ZNRF3: variants seen among roughly 807,000 people sequenced by gnomAD.
ZNRF3 encodes E3 ubiquitin-protein ligase ZNRF3.
A neutral mutation model predicts 72.5 loss-of-function variants in ZNRF3; 23 were observed. That is an observed-to-expected ratio of 0.32 (90% confidence interval 0.23 to 0.45). ZNRF3 has a LOEUF of 0.45. Ranked by LOEUF, ZNRF3 falls within the 20% of genes least tolerant of loss-of-function variation. ZNRF3 has a pLI of 1.00. For missense variants in ZNRF3, 1,169 were observed against 1,272.1 expected (o/e 0.92, Z 1.23); for synonymous variants, 610 against 545.3 (o/e 1.12, Z -1.65).
rs570153501 is a variant in ZNRF3, at chr22:28,899,840, C to T, written c.300+15774C>T. 3.9e-5 allele frequency among the ~76,000 whole-genome samples: 6 copies of T among 152,128 alleles called. 1 individual carries two copies. Among genetic ancestry groups the T allele is most frequent in the Non-Finnish European group, 8.8e-5 (6 of 67,984 alleles). On this transcript the variant is annotated intron_variant, in intron 1 of 8. Transcript: ENST00000544604. ...AAGTAGCTGGGACCACAGGCGTGCA[C>T]CACCATGCCCAGCTAATTTTGTTTA... is the stretch of plus-strand genomic sequence containing the variant.
chr22:28,883,591 C>T lies in ZNRF3; in HGVS notation c.-176C>T. On this transcript the variant is annotated 5_prime_UTR_variant, in exon 1 of 9. Transcript: ENST00000544604. This position sits in a 1 kb window ranked among gnomAD's most constrained non-coding sequence, Gnocchi z 5.5. ...GGCGGGGATAACCCCTCACGTGGAG[C>T]AGATGAAAGGGCCGCGGCGCGACGG... The T allele has an allele frequency of 5.6e-6, 3 of 533,830 alleles. No individual in the cohort carries two copies. Among genetic ancestry groups the T allele is most frequent in the Non-Finnish European group, 7.2e-6 (3 of 417,450 alleles). 33.1% of individuals were successfully genotyped at this position (533,830 alleles called of 1,614,324 possible).
At chr22:29,021,257 T>A (rs1488891913) in intron 2 of ZNRF3, among the ~76,000 whole-genome samples, 5 of 151,728 alleles carry the variant, frequency 3.3e-5, no homozygotes, top group African/African-American at 9.7e-5. Flanking sequence ...AATAAATAAA[T>A]AAAAATAAAA....
chr22:28,960,228 G>A (rs2035332298), intron 1 of ZNRF3, among the ~76,000 whole-genome samples: 1 of 152,138 alleles, frequency 6.6e-6, no homozygotes, highest in Admixed American at 6.5e-5. Context: ...ATGTGTGGCT[G>A]GACTGTGCAT....
chr22:28,966,464 A>G (rs2035460927), intron 1 of ZNRF3, among the ~76,000 whole-genome samples: 1 of 152,214 alleles, frequency 6.6e-6, no homozygotes, highest in South Asian at 2.1e-4. Context: ...GGTATTCGAG[A>G]ATAAAGCATT....
At chr22:28,921,014 C>T (rs540063807) in intron 1 of ZNRF3, among the ~76,000 whole-genome samples, 1 of 152,374 alleles carries the variant, frequency 6.6e-6, no homozygotes, top group East Asian at 1.9e-4. Flanking sequence ...TTCTCCTTTT[C>T]ACCTGAATTT....
At chr22:29,019,694 T>C (rs1263772743) in intron 2 of ZNRF3, among the ~76,000 whole-genome samples, 2 of 152,180 alleles carry the variant, frequency 1.3e-5, no homozygotes, top group Non-Finnish European at 2.9e-5. Context: ...GCACCTACCA[T>C]GTACCCAAAC....
At chr22:29,046,025 A>G (rs1197945772) in intron 5 of ZNRF3, among the ~76,000 whole-genome samples, 3 of 152,356 alleles carry the variant, frequency 2.0e-5, no homozygotes, top group Admixed American at 6.5e-5. Context: ...GCTCCGCTCC[A>G]GGCCACCTAC....
chr22:29,018,041 G>A (rs752276547), intron 2 of ZNRF3: 28 of 518,982 alleles, frequency 5.4e-5, no homozygotes, highest in Admixed American at 2.5e-4. Flanking sequence ...AACTGTGTGG[G>A]TGGAGCATCT....
intron 1 of ZNRF3, among the ~76,000 whole-genome samples, chr22:28,966,120 A>C (rs1321960516): frequency 6.6e-6 from 1 of 152,218 alleles, no homozygotes; most frequent in Non-Finnish European, 1.5e-5. Context: ...CTACTTTCAG[A>C]TAGTTTTCCT....
chr22:28,959,041 C>T (rs1230380591), intron 1 of ZNRF3, among the ~76,000 whole-genome samples: 1 of 152,226 alleles, frequency 6.6e-6, no homozygotes, highest in Non-Finnish European at 1.5e-5. Flanking sequence ...TACTCTCATC[C>T]TTCTCAAGGA....
At chr22:28,944,033 A>G (rs927132663) in intron 1 of ZNRF3, among the ~76,000 whole-genome samples, 33 of 152,292 alleles carry the variant, frequency 2.2e-4, no homozygotes, top group African/African-American at 7.2e-4. Context: ...AAAGGAAAAA[A>G]AAAAAAGCCA....
chr22:29,003,749 A>C (rs116541897), intron 2 of ZNRF3, among the ~76,000 whole-genome samples: 6,677 of 151,794 alleles, frequency 0.044, 279 homozygotes, highest in African/African-American at 0.11. Flanking sequence ...CTGGAGCGGG[A>C]GGCTTGAGCC....
At chr22:28,902,461 C>T (rs886533005) in intron 1 of ZNRF3, among the ~76,000 whole-genome samples, 3 of 151,988 alleles carry the variant, frequency 2.0e-5, no homozygotes, top group Admixed American at 6.6e-5. Context: ...TGGTTCGCTA[C>T]GAACTCCCTG....
At chr22:29,002,822 A>G (rs1158727771) in intron 2 of ZNRF3, among the ~76,000 whole-genome samples, 4 of 152,212 alleles carry the variant, frequency 2.6e-5, no homozygotes, top group East Asian at 1.9e-4. Context: ...CTTGGCAAGC[A>G]TGTACTTCCG....
intron 1 of ZNRF3, among the ~76,000 whole-genome samples, chr22:28,959,195 C>T (rs1423875581): frequency 6.6e-6 from 1 of 152,220 alleles, no homozygotes; most frequent in East Asian, 1.9e-4. Flanking sequence ...GCATGAGCAT[C>T]TGACCCAGCA....
At position 28,951,890 on chromosome 22, in the gene ZNRF3, C is replaced by T. The variant is rs138372886; in HGVS notation, c.301-35186C>T. Among the ~76,000 whole-genome samples the T allele has an allele frequency of 5.1e-4, 78 of 152,308 alleles. 1 individual carries two copies. The East Asian group carries it at 0.012, about 23-fold the overall frequency. ...GATGGTTTAGGGACTCAGAGATAGG[C>T]GACTCCATGTACCTGCTCCCATCCC... On this transcript the variant is annotated intron_variant, in intron 1 of 8. Coordinates refer to ENST00000544604, the MANE Select transcript of ZNRF3 (RefSeq NM_001206998.2).
At chr22:28,906,446 T>G (rs2034209837) in intron 1 of ZNRF3, among the ~76,000 whole-genome samples, 1 of 152,236 alleles carries the variant, frequency 6.6e-6, no homozygotes, top group African/African-American at 2.4e-5. Context: ...TGAGACCAGA[T>G]AGGCCTGTGT....
intron 1 of ZNRF3, among the ~76,000 whole-genome samples, chr22:28,909,932 G>T (rs1277760441): frequency 6.6e-6 from 1 of 151,538 alleles, no homozygotes; most frequent in Admixed American, 6.6e-5. Flanking sequence ...AGAGACAGGG[G>T]TCTTACTATG....
At position 29,014,960 on chromosome 22, in the gene ZNRF3, C is replaced by T. The variant is rs560781876; in HGVS notation, c.427-27535C>T. Among the ~76,000 whole-genome samples the T allele has an allele frequency of 5.3e-5, 8 of 152,334 alleles. No individual in the cohort carries two copies. In the South Asian group the frequency reaches 1.0e-3, roughly 20 times the overall value. On this transcript the variant is annotated intron_variant, in intron 2 of 8. Coordinates refer to ENST00000544604, the MANE Select transcript of ZNRF3 (RefSeq NM_001206998.2). ...CCCCACATCAGAGCTTGCCTGCCTCCGCTCCGTCATCTGTTCTTTGACACA... is the reference window on the plus strand; with the variant it reads ...CCCCACATCAGAGCTTGCCTGCCTCTGCTCCGTCATCTGTTCTTTGACACA...
Sources: allele counts gnomAD v4.1 joint callset (sites outside exome capture counted in the v4.1 genomes callset), GRCh38; gene constraint gnomAD v4.1.1; non-coding constraint Gnocchi (gnomAD v3.1); transcripts MANE v1.5; gene names NCBI Gene and HGNC (gene_info 2026-07-23, HGNC 2026-07-21).